CDH13: variants seen among roughly 807,000 people sequenced by gnomAD.
CDH13 encodes the protein cadherin-13.
In CDH13, 24 loss-of-function variants were observed where a neutral mutation model predicts 63.8. The ratio of observed to expected loss-of-function variants is 0.38; its 90% CI spans 0.27 to 0.53. CDH13 has a LOEUF of 0.53. Among genes scored for constraint, CDH13 ranks in the 20% least tolerant of loss-of-function variants. The probability of loss-of-function intolerance (pLI) is 0.85; values close to 1 mark genes in which losing one functional copy is unlikely to be tolerated. For synonymous variants in CDH13, 503 were observed against 355.3 expected, an observed-to-expected ratio of 1.42 and a Z score of -4.67; for missense variants, 1,049 against 903.1, an observed-to-expected ratio of 1.16 and a Z score of -2.07.
intron 1 of CDH13, among the ~76,000 whole-genome samples, 200 bp downstream of exon 1, chr16:82,627,337 C>CTTGTGTGTGT (rs1361611702): frequency 3.0e-5 from 4 of 131,184 alleles, no homozygotes; most frequent in African/African-American, 1.1e-4. Context: ...CTCTGGCGTG[C>CTTGTGTGTGT]GTGTGTGTGT....
intron 5 of CDH13, among the ~76,000 whole-genome samples, chr16:83,298,047 CAAA>C (rs71382871): frequency 1.3e-4 from 13 of 99,762 alleles, no homozygotes; most frequent in Non-Finnish European, 1.7e-4. Flanking sequence ...CTTGTTTCTA[CAAA>C]AAAAAAAAAA....
At chr16:83,753,648 G>T (rs1177733446) in intron 11 of CDH13, among the ~76,000 whole-genome samples, 2 of 152,064 alleles carry the variant, frequency 1.3e-5, no homozygotes, top group East Asian at 3.9e-4. Context: ...TGGAAGGAGA[G>T]AATAAGGATT....
Position 82,936,354 on chromosome 16 carries a change from G to C in CDH13, c.157+77881G>C, listed in dbSNP as rs182237733. Among the ~76,000 whole-genome samples the C allele has an allele frequency of 9.9e-5, 15 of 152,270 alleles. No homozygotes were observed. In the South Asian group the frequency reaches 3.1e-3, roughly 32 times the overall value. On this transcript the variant is annotated intron_variant, in intron 2 of 13. Transcript: ENST00000567109. ...TCTTAACTCCTGTATCATCAGGAAC[G>C]TGAACCCTATTGTGAATTGTACATG...
At chr16:82,966,273 C>A (rs993741251) in intron 2 of CDH13, among the ~76,000 whole-genome samples, 7 of 152,116 alleles carry the variant, frequency 4.6e-5, no homozygotes, top group Non-Finnish European at 1.0e-4. Flanking sequence ...CTCAGCCTCC[C>A]GAGTAGCTGG....
intron 3 of CDH13, among the ~76,000 whole-genome samples, chr16:83,100,074 A>G (rs543006957): frequency 1.3e-5 from 2 of 152,300 alleles, no homozygotes; most frequent in South Asian, 4.2e-4. Context: ...AGGCTCATTT[A>G]GACTTTTCAA....
At position 83,321,923 on chromosome 16, in the gene CDH13, C is replaced by T. The variant is rs146141265; in HGVS notation, c.637-22939C>T. The stretch of plus-strand genomic sequence containing the variant: ...AAATTCTGTGTGACTATCTTGGGGC[C>T]AGATTCAGTCCATGGAGCACTGGTA... On this transcript the variant is annotated intron_variant, in intron 5 of 13. Transcript: ENST00000567109. Among the ~76,000 whole-genome samples, 107 of 152,240 alleles carry T rather than the reference C, an allele frequency of 7.0e-4. 3 individuals carry two copies. The highest frequency in any genetic ancestry group is 6.8e-3 in the Middle Eastern group (2 of 294).
At chr16:83,260,744 A>G (rs1031238347) in intron 5 of CDH13, among the ~76,000 whole-genome samples, 4 of 152,174 alleles carry the variant, frequency 2.6e-5, no homozygotes, top group African/African-American at 9.7e-5. Context: ...TTCTCCTTCA[A>G]GGGCATCTTA....
At chr16:83,745,131 A>C (rs565627325) in intron 10 of CDH13, among the ~76,000 whole-genome samples, 3 of 152,224 alleles carry the variant, frequency 2.0e-5, no homozygotes. Flanking sequence ...AGCGGTGTCC[A>C]GCCGGCGCAA....
intron 7 of CDH13, among the ~76,000 whole-genome samples, chr16:83,512,354 A>T (rs557641497): frequency 2.1e-5 from 3 of 145,314 alleles, no homozygotes; most frequent in Non-Finnish European, 3.0e-5. Flanking sequence ...ATAAATAAAT[A>T]AATAAATAAA....
Position 82,712,559 on chromosome 16 carries a change from A to G in CDH13, c.45+85422A>G, listed in dbSNP as rs983270618. 1.2e-4 allele frequency among the ~76,000 whole-genome samples: 19 copies of G among 152,308 alleles called. No homozygotes were observed. The East Asian group carries it at 3.5e-3, about 28-fold the overall frequency. ...AAACTCACTACCCTGTGCCCCACCT[A>G]TCACACCTGTCCTTTGTCCCTTTCT... On this transcript the variant is annotated intron_variant, in intron 1 of 13. Coordinates refer to ENST00000567109, the MANE Select transcript of CDH13 (RefSeq NM_001257.5).
Position 83,145,063 on chromosome 16 carries a change from G to A in CDH13, c.483+19562G>A, listed in dbSNP as rs535075175. ...CTTGCCCTTGCAGACACAAGTACGG[G>A]GACATTATATTCAATTTTGGGTCTC... On this transcript the variant is annotated intron_variant, in intron 4 of 13. Transcript: ENST00000567109. Among the ~76,000 whole-genome samples the A allele has an allele frequency of 3.6e-3, 554 of 152,254 alleles. 3 individuals are homozygous for A. The highest frequency in any genetic ancestry group is 0.013 in the African/African-American group (537 of 41,548).
chr16:82,891,037 G>GTT (rs869162441), intron 2 of CDH13, among the ~76,000 whole-genome samples: 1 of 82,770 alleles, frequency 1.2e-5, no homozygotes. Context: ...ATAGAGGAGG[G>GTT]TTTTTTTTTT....
intron 3 of CDH13, among the ~76,000 whole-genome samples, chr16:83,075,544 T>A (rs1211411231): frequency 6.6e-6 from 1 of 152,224 alleles, no homozygotes; most frequent in Non-Finnish European, 1.5e-5. Context: ...GAGCATTGCA[T>A]CCAGTGCGTA....
At chr16:83,249,610 G>A (rs1295981204) in intron 5 of CDH13, among the ~76,000 whole-genome samples, 2 of 152,202 alleles carry the variant, frequency 1.3e-5, no homozygotes, top group East Asian at 3.8e-4. Context: ...GGTAAGATCT[G>A]ACACCGTGTG....
intron 1 of CDH13, among the ~76,000 whole-genome samples, chr16:82,831,315 A>C (rs1210421667): frequency 1.3e-5 from 2 of 152,164 alleles, no homozygotes; most frequent in Non-Finnish European, 2.9e-5. Flanking sequence ...GTCGGTATCA[A>C]GTTTCTCTGC....
At chr16:83,541,044 G>T (rs1382802601) in intron 7 of CDH13, among the ~76,000 whole-genome samples, 1 of 152,098 alleles carries the variant, frequency 6.6e-6, no homozygotes, top group African/African-American at 2.4e-5. Context: ...GACGTCTCCT[G>T]GTTGGAGTAT....
chr16:83,503,914 A>C (rs2074339918), intron 7 of CDH13, among the ~76,000 whole-genome samples: 1 of 140,844 alleles, frequency 7.1e-6, no homozygotes, highest in Non-Finnish European at 1.5e-5. Flanking sequence ...CCCATAGTCA[A>C]TTTTGGCTTT....
chr16:82,785,544 T>C (rs1246011134), intron 1 of CDH13, among the ~76,000 whole-genome samples: 1 of 152,200 alleles, frequency 6.6e-6, no homozygotes, highest in Non-Finnish European at 1.5e-5. Flanking sequence ...TCACTCCAAG[T>C]AAATGACTAA....
chr16:82,885,493 A>G (rs1317489612), intron 2 of CDH13, among the ~76,000 whole-genome samples: 1 of 120,872 alleles, frequency 8.3e-6, no homozygotes, highest in East Asian at 2.8e-4. Flanking sequence ...CCATCCATCC[A>G]TCCATCCACC....
Sources: allele counts gnomAD v4.1 joint callset (sites outside exome capture counted in the v4.1 genomes callset), GRCh38; gene constraint gnomAD v4.1.1; transcripts MANE v1.5; gene names NCBI Gene and HGNC (gene_info 2026-07-23, HGNC 2026-07-21).